The following ITPRID1 variants were observed in gnomAD, a reference collection of about 807,000 sequenced individuals.
The protein encoded by ITPRID1 is ITPR interacting domain containing 1, also known as protein ITPRID1.
ITPRID1 carries 96 observed loss-of-function variants against 95.4 expected under a neutral mutation model. That is an observed-to-expected ratio of 1.01 (90% confidence interval 0.85 to 1.19). The LOEUF is 1.19. Ranked by LOEUF, ITPRID1 falls within the 50% of genes most tolerant of loss-of-function variation. The pLI, the probability that ITPRID1 is intolerant of heterozygous loss-of-function variation, is 0.00. For missense variants in ITPRID1, 1,339 were observed against 1,252.9 expected (o/e 1.07, Z -1.04); for synonymous variants, 510 against 453.6 (o/e 1.12, Z -1.58).
chr7:31,572,228 TC>T, intron 7 of ITPRID1, 40 bp downstream of exon 7: 3 of 1,275,442 alleles, frequency 2.4e-6, no homozygotes, highest in Non-Finnish European at 3.4e-6. Flanking sequence ...GAGAAATCAT[TC>T]TGTGCAACAA....
At chr7:31,598,398 C>CT (rs869161999) in intron 10 of ITPRID1, among the ~76,000 whole-genome samples, 3,354 of 106,566 alleles carry the variant, frequency 0.031, 127 homozygotes, top group African/African-American at 0.041. Flanking sequence ...TTTTTTTTTT[C>CT]TTTTTTTTTT....
intron 10 of ITPRID1, among the ~76,000 whole-genome samples, chr7:31,598,542 T>C: frequency 6.6e-6 from 1 of 151,644 alleles, no homozygotes; most frequent in Non-Finnish European, 1.5e-5. Flanking sequence ...TAGCTGGGAC[T>C]ACAGGCGCCC....
At chr7:31,644,050 A>G in intron 12 of ITPRID1, 97 bp downstream of exon 12, 1 of 1,129,322 alleles carries the variant, frequency 8.9e-7, no homozygotes, top group Non-Finnish European at 1.2e-6. Context: ...GCAAGATCTC[A>G]GGGCAAACTT....
intron 10 of ITPRID1, among the ~76,000 whole-genome samples, chr7:31,641,875 C>G (rs551054873): frequency 6.6e-6 from 1 of 152,224 alleles, no homozygotes; most frequent in South Asian, 2.1e-4. Context: ...TCTGGATTTT[C>G]TTTCCCTTAG....
intron 2 of ITPRID1, among the ~76,000 whole-genome samples, chr7:31,552,646 A>C (rs769768828): frequency 6.6e-6 from 1 of 152,082 alleles, no homozygotes; most frequent in Non-Finnish European, 1.5e-5. Flanking sequence ...AATTTTATAG[A>C]TATAACTGTT....
At chr7:31,638,726 G>T (rs557867954) in intron 10 of ITPRID1, among the ~76,000 whole-genome samples, 12 of 151,862 alleles carry the variant, frequency 7.9e-5, no homozygotes, top group South Asian at 2.1e-4. Flanking sequence ...TGATTTTAAG[G>T]GTTTTTATAA....
intron 8 of ITPRID1, among the ~76,000 whole-genome samples, chr7:31,576,202 G>A (rs1013895837): frequency 3.9e-5 from 6 of 152,322 alleles, no homozygotes; most frequent in Admixed American, 3.3e-4. Context: ...CAAGGAAGCA[G>A]AGAAGGTCAA....
At chr7:31,550,786 C>T (rs1404074087) in intron 2 of ITPRID1, among the ~76,000 whole-genome samples, 3 of 128,226 alleles carry the variant, frequency 2.3e-5, no homozygotes, top group Non-Finnish European at 5.4e-5. Context: ...AATATCCTCA[C>T]TGGTTGTGTA....
chr7:31,612,579 C>T (rs1446482403), intron 10 of ITPRID1, among the ~76,000 whole-genome samples: 2 of 152,146 alleles, frequency 1.3e-5, no homozygotes, highest in Non-Finnish European at 2.9e-5. Flanking sequence ...TCAAGTACAA[C>T]ACTGAAGTTC....
intron 10 of ITPRID1, among the ~76,000 whole-genome samples, chr7:31,633,012 G>A (rs772786810): frequency 7.2e-5 from 11 of 151,864 alleles, no homozygotes; most frequent in South Asian, 2.1e-4. Flanking sequence ...TCAGCCTCCC[G>A]AGTAACTGGG....
chr7:31,585,134 C>G (rs1785542156), intron 10 of ITPRID1, among the ~76,000 whole-genome samples: 1 of 152,158 alleles, frequency 6.6e-6, no homozygotes, highest in Non-Finnish European at 1.5e-5. Context: ...CCATCTGATG[C>G]AACTACATGA....
intron 10 of ITPRID1, among the ~76,000 whole-genome samples, chr7:31,623,241 C>G (rs963959737): frequency 1.3e-5 from 2 of 152,112 alleles, no homozygotes; most frequent in African/African-American, 4.8e-5. Flanking sequence ...GGAATCCTCC[C>G]TAACTCATTT....
intron 10 of ITPRID1, among the ~76,000 whole-genome samples, chr7:31,607,947 A>G (rs936924166): frequency 1.3e-5 from 2 of 151,468 alleles, no homozygotes; most frequent in Admixed American, 6.6e-5. Context: ...CTCCCATAGC[A>G]TCCTATTTTT....
chr7:31,577,784 C>A lies in ITPRID1; in HGVS notation c.599-79C>A, dbSNP rs73087451. The A allele has an allele frequency of 4.9e-3, 5,827 of 1,187,288 alleles. 25 individuals are homozygous for A. Among genetic ancestry groups the A allele is most frequent in the South Asian group, 6.9e-3 (400 of 57,672 alleles). The allele number at this position is 1,187,288 out of a possible 1,614,324, so 73.5% of individuals were successfully genotyped here. A position where few individuals can be genotyped will look rare whatever the true frequency, so the allele number is the denominator to read the frequency against. On this transcript the variant is annotated intron_variant, in intron 8 of 14. Transcript: ENST00000615280. ...TCTTGAAAATTTCATGTTAACGGAC[C>A]CTTCAGTTTTGACTACGTTAATATG... is the stretch of plus-strand genomic sequence containing the variant.
At chr7:31,587,577 C>T (rs1175471455) in intron 10 of ITPRID1, among the ~76,000 whole-genome samples, 7 of 148,548 alleles carry the variant, frequency 4.7e-5, no homozygotes, top group East Asian at 2.0e-4. Flanking sequence ...AGGTAATTTA[C>T]AGATTCAATG....
intron 10 of ITPRID1, among the ~76,000 whole-genome samples, chr7:31,594,030 G>A (rs1785973352): frequency 6.6e-6 from 1 of 152,156 alleles, no homozygotes; most frequent in African/African-American, 2.4e-5. Flanking sequence ...CGATGCTTTG[G>A]TTAATGACAG....
At chr7:31,641,707 T>A (rs1790033031) in intron 10 of ITPRID1, among the ~76,000 whole-genome samples, 1 of 152,146 alleles carries the variant, frequency 6.6e-6, no homozygotes, top group African/African-American at 2.4e-5. Context: ...GAGCACAAAC[T>A]TGTAGTCATA....
chr7:31,612,094 C>CTGAT (rs1786894934), intron 10 of ITPRID1, among the ~76,000 whole-genome samples: 1 of 151,576 alleles, frequency 6.6e-6, no homozygotes, highest in African/African-American at 2.4e-5. Flanking sequence ...TTCAAGGTTG[C>CTGAT]TGATTCTTTT....
chr7:31,521,661 T>C (rs1190565424), intron 1 of ITPRID1, among the ~76,000 whole-genome samples: 2 of 125,306 alleles, frequency 1.6e-5, no homozygotes, highest in Non-Finnish European at 3.5e-5. Context: ...CTTCCTTCCT[T>C]CCTTCCTTCC....
Sources: allele counts gnomAD v4.1 joint callset (sites outside exome capture counted in the v4.1 genomes callset), GRCh38; gene constraint gnomAD v4.1.1; transcripts MANE v1.5; gene names NCBI Gene and HGNC (gene_info 2026-07-23, HGNC 2026-07-21).